The following PXDNL variants were observed in gnomAD, a reference collection of about 807,000 sequenced individuals.
PXDNL encodes peroxidasin like, also known as probable oxidoreductase PXDNL.
PXDNL carries 145 observed loss-of-function variants against 150.8 expected under a neutral mutation model. The ratio of observed to expected loss-of-function variants is 0.96; its 90% CI spans 0.84 to 1.10. The LOEUF (loss-of-function observed/expected upper bound fraction) is 1.10, where lower values mean the gene tolerates loss of function less well. Among genes scored for constraint, PXDNL ranks in the 50% least tolerant of loss-of-function variants. The probability of loss-of-function intolerance (pLI) is 0.00; values close to 1 mark genes in which losing one functional copy is unlikely to be tolerated. For synonymous variants in PXDNL, 757 were observed against 725.7 expected (o/e 1.04, Z -0.69); for missense variants, 2,087 against 1,873.9 (o/e 1.11, Z -2.10).
At chr8:51,782,330 G>A (rs1486517247) in intron 1 of PXDNL, among the ~76,000 whole-genome samples, 1 of 152,144 alleles carries the variant, frequency 6.6e-6, no homozygotes, top group Non-Finnish European at 1.5e-5. Flanking sequence ...AAGGGAAAGA[G>A]GGTCAAAGAA....
chr8:51,485,949 C>T lies in PXDNL; in HGVS notation c.453-2235G>A, dbSNP rs563116355. ...ACAGAGTTTCATGATGGAGAAACAG[C>T]TTATAGTAGATTGCACTAAACCTCG... is the stretch of plus-strand genomic sequence containing the variant. On this transcript the variant is annotated intron_variant, in intron 5 of 22. Coordinates refer to ENST00000356297, the MANE Select transcript of PXDNL (RefSeq NM_144651.5). 3.9e-5 allele frequency among the ~76,000 whole-genome samples: 6 copies of T among 152,278 alleles called. No individual in the cohort carries two copies. The South Asian group carries it at 1.2e-3, about 32-fold the overall frequency.
chr8:51,707,780 C>T (rs1816411086), intron 1 of PXDNL, among the ~76,000 whole-genome samples: 1 of 152,036 alleles, frequency 6.6e-6, no homozygotes, highest in Non-Finnish European at 1.5e-5. Context: ...AGTGTTTGTC[C>T]TTCTGTGACT....
intron 17 of PXDNL, among the ~76,000 whole-genome samples, chr8:51,398,707 A>C (rs1428646824): frequency 1.3e-5 from 2 of 152,218 alleles, no homozygotes; most frequent in Non-Finnish European, 2.9e-5. Flanking sequence ...AAACCTATGC[A>C]AATGCAAGGC....
chr8:51,757,252 A>G (rs1413580741), intron 1 of PXDNL, among the ~76,000 whole-genome samples: 15 of 152,162 alleles, frequency 9.9e-5, no homozygotes, highest in Non-Finnish European at 5.9e-5. Flanking sequence ...CTTGTTTTCC[A>G]TCCAGTGAAA....
At chr8:51,779,696 G>A (rs997818692) in intron 1 of PXDNL, among the ~76,000 whole-genome samples, 2 of 152,220 alleles carry the variant, frequency 1.3e-5, no homozygotes, top group Non-Finnish European at 2.9e-5. Context: ...TGACAATTGT[G>A]CATGTTCTTG....
In PXDNL at chr8:51,592,702, A is replaced by G; in HGVS notation, c.237-4T>C. On this transcript the variant is annotated splice_region_variant and splice_polypyrimidine_tract_variant and intron_variant, in intron 2 of 22. Coordinates refer to ENST00000356297, the MANE Select transcript of PXDNL (RefSeq NM_144651.5). ...GATGTGGTTGTTGTTCAGCAGACTG[A>G]AAAAGCAAAAACAAACAAATAATTC... 1.3e-6 allele frequency: 2 copies of G among 1,540,098 alleles called. No individual in the cohort carries two copies. Among genetic ancestry groups the G allele is most frequent in the East Asian group, 4.9e-5 (2 of 40,674 alleles).
intron 2 of PXDNL, among the ~76,000 whole-genome samples, chr8:51,641,245 A>G (rs920184625): frequency 1.3e-5 from 2 of 151,228 alleles, no homozygotes; most frequent in African/African-American, 4.9e-5. Context: ...CTAAACCATA[A>G]AAACCCTAGA....
intron 13 of PXDNL, among the ~76,000 whole-genome samples, chr8:51,424,161 A>T (rs959283132): frequency 1.3e-5 from 2 of 152,062 alleles, no homozygotes; most frequent in Non-Finnish European, 2.9e-5. Context: ...TCAGGAGTTC[A>T]AGACCAGCCT....
chr8:51,667,838 C>T (rs929105785), intron 1 of PXDNL, among the ~76,000 whole-genome samples: 2 of 152,194 alleles, frequency 1.3e-5, no homozygotes, highest in Non-Finnish European at 2.9e-5. Context: ...TATATGGTTA[C>T]ATCACATTTG....
intron 1 of PXDNL, among the ~76,000 whole-genome samples, chr8:51,676,378 G>A (rs142108202): frequency 7.6e-4 from 115 of 152,172 alleles, no homozygotes; most frequent in Middle Eastern, 6.8e-3. Context: ...CCAGGTTCAA[G>A]CAATTCTCCT....
intron 19 of PXDNL, among the ~76,000 whole-genome samples, chr8:51,360,306 C>T (rs1052666804): frequency 6.6e-6 from 1 of 152,170 alleles, no homozygotes. Flanking sequence ...CATACATGTG[C>T]ATGCTTACAC....
At chr8:51,479,135 G>T (rs781399555) in intron 6 of PXDNL, among the ~76,000 whole-genome samples, 1 of 152,116 alleles carries the variant, frequency 6.6e-6, no homozygotes, top group Admixed American at 6.6e-5. Flanking sequence ...AAATGTAAGA[G>T]GAGGCTAGAA....
At chr8:51,735,491 A>G (rs1437846668) in intron 1 of PXDNL, among the ~76,000 whole-genome samples, 1 of 151,380 alleles carries the variant, frequency 6.6e-6, no homozygotes, top group East Asian at 2.0e-4. Flanking sequence ...TCAGAAAAAA[A>G]TAAATAAATA....
At chr8:51,751,181 A>C (rs1199459386) in intron 1 of PXDNL, among the ~76,000 whole-genome samples, 1 of 152,214 alleles carries the variant, frequency 6.6e-6, no homozygotes, top group Non-Finnish European at 1.5e-5. Context: ...CTGGGTAACA[A>C]AATGCTCAGT....
chr8:51,703,035 CTT>C (rs1307495708), intron 1 of PXDNL, among the ~76,000 whole-genome samples: 1 of 152,108 alleles, frequency 6.6e-6, no homozygotes, highest in African/African-American at 2.4e-5. Flanking sequence ...TTTTTCTACA[CTT>C]TACATTCACT....
chr8:51,695,357 T>A (rs77761094), intron 1 of PXDNL, among the ~76,000 whole-genome samples: 8,356 of 152,230 alleles, frequency 0.055, 244 homozygotes, highest in African/African-American at 0.088. Flanking sequence ...AATGAACTGT[T>A]ATCACCTATT....
intron 1 of PXDNL, among the ~76,000 whole-genome samples, chr8:51,696,760 T>TACACACAC (rs1816145546): frequency 3.6e-4 from 1 of 2,752 alleles, no homozygotes; most frequent in Non-Finnish European, 8.2e-4. Flanking sequence ...CACCCACACA[T>TACACACAC]AGGTCTTCAC....
intron 12 of PXDNL, among the ~76,000 whole-genome samples, chr8:51,440,424 C>T (rs1809513825): frequency 6.9e-6 from 1 of 144,494 alleles, no homozygotes; most frequent in African/African-American, 2.6e-5. Context: ...CCAAAACCTA[C>T]TGAAATTTAA....
intron 4 of PXDNL, among the ~76,000 whole-genome samples, chr8:51,534,110 G>T: frequency 7.0e-6 from 1 of 143,060 alleles, no homozygotes; most frequent in Non-Finnish European, 1.5e-5. Context: ...CCATGTCTGA[G>T]ATGTGGGGAG....
Sources: gnomAD v4.1 joint callset for allele counts (sites outside exome capture counted in the v4.1 genomes callset) on GRCh38, gnomAD v4.1.1 for gene constraint, MANE v1.5 for transcripts, NCBI Gene and HGNC (gene_info 2026-07-23, HGNC 2026-07-21) for gene names.